The following LARGE1 variants were observed in gnomAD, a reference collection of about 807,000 sequenced individuals.
LARGE1 encodes LARGE xylosyl- and glucuronyltransferase 1.
Under a neutral mutation model 87.6 loss-of-function variants are expected in LARGE1, and 43 were observed. That is an observed-to-expected ratio of 0.49 (90% CI 0.38 to 0.63). LARGE1 has a LOEUF of 0.63. LARGE1 is among the 30% of genes least tolerant of loss of function. The pLI is 0.00. For missense variants in LARGE1, 802 were observed against 1,000.2 expected (o/e 0.80, Z 2.67); for synonymous variants, 434 against 394.6 (o/e 1.10, Z -1.18).
intron 1 of LARGE1, among the ~76,000 whole-genome samples, chr22:33,912,656 C>T (rs1167034907): frequency 6.6e-6 from 1 of 152,158 alleles, no homozygotes; most frequent in Non-Finnish European, 1.5e-5. Flanking sequence ...CCTGTGATTA[C>T]CTGCAACTCC....
chr22:33,241,609 T>C (rs955914496), intron 11 of LARGE1, among the ~76,000 whole-genome samples: 3 of 151,990 alleles, frequency 2.0e-5, no homozygotes, highest in African/African-American at 7.3e-5. Context: ...TACATATATA[T>C]GTATCTATGT....
At chr22:33,454,909 A>T (rs1026390127) in intron 6 of LARGE1, among the ~76,000 whole-genome samples, 2 of 152,150 alleles carry the variant, frequency 1.3e-5, no homozygotes, top group Admixed American at 1.3e-4. Flanking sequence ...CTGTGACCTA[A>T]TCACCTCCTA....
chr22:33,793,266 T>C (rs738942), intron 1 of LARGE1, among the ~76,000 whole-genome samples: 138,471 of 152,248 alleles, frequency 0.91, 63,114 homozygotes, highest in East Asian at 0.97. Context: ...AAAAATATCA[T>C]GGCTGGAGGA....
chr22:33,174,385 C>CA (rs1329055252), intron 11 of LARGE1, among the ~76,000 whole-genome samples: 4 of 152,108 alleles, frequency 2.6e-5, no homozygotes, highest in Non-Finnish European at 5.9e-5. Context: ...CATGAGAGAG[C>CA]AGGAAAGATC....
chr22:33,552,843 A>C (rs2077570605), intron 6 of LARGE1, among the ~76,000 whole-genome samples: 1 of 152,212 alleles, frequency 6.6e-6, no homozygotes, highest in Admixed American at 6.5e-5. Context: ...ATAATATGAC[A>C]AAACACCTGC....
At chr22:33,384,383 G>A in intron 7 of LARGE1, 79 bp from the exon 8 acceptor site, 1 of 996,470 alleles carries the variant, frequency 1.0e-6, no homozygotes, top group Non-Finnish European at 1.6e-6. Flanking sequence ...TCACATCACA[G>A]CCACAGTCTC....
chr22:33,594,395 C>A (rs1215588060), intron 5 of LARGE1, among the ~76,000 whole-genome samples: 1 of 152,138 alleles, frequency 6.6e-6, no homozygotes, highest in Admixed American at 6.5e-5. Context: ...ATCGAAAATA[C>A]CAAATCTCTA....
intron 2 of LARGE1, among the ~76,000 whole-genome samples, chr22:33,685,727 C>T (rs150906710): frequency 2.4e-4 from 36 of 152,294 alleles, no homozygotes; most frequent in African/African-American, 6.3e-4. Flanking sequence ...TTCCAAGATG[C>T]GCCCTCATCT....
At chr22:33,737,613 G>A (rs993780862) in intron 2 of LARGE1, 6 of 152,190 alleles carry the variant, frequency 3.9e-5, no homozygotes, top group African/African-American at 1.2e-4. Context: ...AAAGATCAGC[G>A]CTAACAGAGG....
At chr22:33,749,242 GT>G (rs2084220546) in intron 2 of LARGE1, among the ~76,000 whole-genome samples, 1 of 152,178 alleles carries the variant, frequency 6.6e-6, no homozygotes, top group South Asian at 2.1e-4. Context: ...ACCCTCCAGA[GT>G]AGCTGGGATT....
chr22:33,781,941 A>G (rs1276413584), intron 1 of LARGE1, among the ~76,000 whole-genome samples: 1 of 151,586 alleles, frequency 6.6e-6, no homozygotes, highest in East Asian at 1.9e-4. Flanking sequence ...GTGTGTGTGT[A>G]TATACATATA....
the LARGE1 span, among the ~76,000 whole-genome samples, chr22:33,144,869 A>G: frequency 2.6e-5 from 4 of 152,182 alleles, no homozygotes; most frequent in African/African-American, 9.7e-5. Flanking sequence ...TGATTATTTA[A>G]ATATAATTGC....
chr22:33,345,981 T>G (rs1939698665), intron 9 of LARGE1, among the ~76,000 whole-genome samples: 1 of 152,158 alleles, frequency 6.6e-6, no homozygotes, highest in South Asian at 2.1e-4. Context: ...TAAGAGGCAT[T>G]AGAAAATGGG....
Position 33,292,026 on chromosome 22 carries a change from G to A in LARGE1, c.1731-8678C>T, listed in dbSNP as rs527649213. Among the ~76,000 whole-genome samples the A allele has an allele frequency of 1.9e-4, 29 of 152,160 alleles. 1 individual carries two copies. Among genetic ancestry groups the A allele is most frequent in the African/African-American group, 6.3e-4 (26 of 41,508 alleles). On this transcript the variant is annotated intron_variant, in intron 12 of 14. Coordinates refer to ENST00000397394, the MANE Select transcript of LARGE1 (RefSeq NM_133642.5). Reference sequence around the variant, plus strand: ...GGAGAATCGCTTGAACCAGGGAGGCGGAGGTTGCAATGAGCCGAGATCGTG... The same window carrying A: ...GGAGAATCGCTTGAACCAGGGAGGCAGAGGTTGCAATGAGCCGAGATCGTG...
chr22:33,448,497 C>T (rs1301958519), intron 6 of LARGE1, among the ~76,000 whole-genome samples: 1 of 152,194 alleles, frequency 6.6e-6, no homozygotes, highest in East Asian at 1.9e-4. Flanking sequence ...ATCTTCACCA[C>T]AAATGCTGGG....
chr22:33,380,921 T>G (rs1017771620), intron 9 of LARGE1, among the ~76,000 whole-genome samples: 2 of 152,226 alleles, frequency 1.3e-5, no homozygotes, highest in African/African-American at 4.8e-5. Context: ...TCTTTACTCC[T>G]TCCACTGTAG....
intron 6 of LARGE1, among the ~76,000 whole-genome samples, chr22:33,544,691 A>C (rs566648367): frequency 2.5e-5 from 3 of 119,692 alleles, no homozygotes; most frequent in African/African-American, 8.8e-5. Context: ...TCAAAACAAC[A>C]ACCACAACAA....
intron 11 of LARGE1, among the ~76,000 whole-genome samples, chr22:33,208,469 A>G (rs1037866043): frequency 3.3e-5 from 5 of 152,220 alleles, no homozygotes; most frequent in African/African-American, 1.2e-4. Flanking sequence ...TAGTCACTGC[A>G]TTCCAAACTT....
intron 6 of LARGE1, among the ~76,000 whole-genome samples, chr22:33,516,950 C>T (rs2148479420): frequency 6.6e-6 from 1 of 152,290 alleles, no homozygotes; most frequent in Admixed American, 6.5e-5. Context: ...CAAGGGAACA[C>T]ATCATTTTCT....
Sources: gnomAD v4.1 joint callset for allele counts (sites outside exome capture counted in the v4.1 genomes callset) on GRCh38, gnomAD v4.1.1 for gene constraint, MANE v1.5 for transcripts, NCBI Gene and HGNC (gene_info 2026-07-23, HGNC 2026-07-21) for gene names.